GALNTL6: variants seen among roughly 807,000 people sequenced by gnomAD.
GALNTL6 encodes polypeptide N-acetylgalactosaminyltransferase-like 6.
In GALNTL6, 46 loss-of-function variants were observed where a neutral mutation model predicts 73.7. That is an observed-to-expected ratio of 0.62 (90% CI 0.49 to 0.80). The LOEUF is 0.80. Ranked by LOEUF, GALNTL6 falls within the 30% of genes least tolerant of loss-of-function variation. The probability of loss-of-function intolerance (pLI) is 0.00; values close to 1 mark genes in which losing one functional copy is unlikely to be tolerated. For missense variants in GALNTL6, 604 were observed against 755.0 expected, an observed-to-expected ratio of 0.80 and a Z score of 2.34; for synonymous variants, 259 against 263.7, an observed-to-expected ratio of 0.98 and a Z score of 0.17.
At chr4:172,025,546 T>TA (rs966099318) in intron 2 of GALNTL6, among the ~76,000 whole-genome samples, 87 of 151,852 alleles carry the variant, frequency 5.7e-4, no homozygotes, top group Admixed American at 2.1e-3. Flanking sequence ...TTTTATCATT[T>TA]AAAAAAAAGG....
chr4:172,754,994 C>A (rs926838785), intron 5 of GALNTL6, among the ~76,000 whole-genome samples: 1 of 152,068 alleles, frequency 6.6e-6, no homozygotes, highest in Non-Finnish European at 1.5e-5. Flanking sequence ...TACCAATTGC[C>A]CACCCAGATT....
intron 5 of GALNTL6, among the ~76,000 whole-genome samples, chr4:172,494,908 T>C (rs569910043): frequency 7.0e-4 from 107 of 152,272 alleles, no homozygotes; most frequent in African/African-American, 2.5e-3. Flanking sequence ...TTAGTCTCCT[T>C]TGGCAACACC....
intron 8 of GALNTL6, among the ~76,000 whole-genome samples, chr4:172,890,540 A>T (rs772093248): frequency 2.6e-4 from 39 of 151,992 alleles, no homozygotes; most frequent in Non-Finnish European, 5.0e-4. Flanking sequence ...TTTTTATTCC[A>T]CTGTAGTCTA....
In GALNTL6 at chr4:172,716,561, CCATGAT is replaced by C. The variant is rs1735112472; in HGVS notation, c.554-92799_554-92794del. Among the ~76,000 whole-genome samples the C allele has an allele frequency of 2.6e-5, 4 of 152,090 alleles. No homozygotes were observed. In the South Asian group the frequency reaches 8.3e-4, roughly 32 times the overall value. ...TCTCTGCTCACTCCCATAACGCGGC[CCATGAT>C]TCTTCAGAGGATAAATATATCCCTA... On this transcript the variant is annotated intron_variant, in intron 5 of 12. Coordinates refer to ENST00000506823, the MANE Select transcript of GALNTL6 (RefSeq NM_001034845.3).
chr4:172,602,414 A>G (rs899368951), intron 5 of GALNTL6, among the ~76,000 whole-genome samples: 1 of 151,220 alleles, frequency 6.6e-6, no homozygotes, highest in Non-Finnish European at 1.5e-5. Flanking sequence ...ACAGTACTAT[A>G]AAGGTAAAGG....
At chr4:172,660,336 G>A (rs558573078) in intron 5 of GALNTL6, among the ~76,000 whole-genome samples, 4 of 152,140 alleles carry the variant, frequency 2.6e-5, no homozygotes, top group Non-Finnish European at 2.9e-5. Flanking sequence ...CAGAACTGAC[G>A]CCTAAGAAGA....
At chr4:171,894,917 G>C (rs1736866980) in intron 2 of GALNTL6, among the ~76,000 whole-genome samples, 1 of 152,100 alleles carries the variant, frequency 6.6e-6, no homozygotes, top group Non-Finnish European at 1.5e-5. Flanking sequence ...CATGGAATAA[G>C]ATGGATATTC....
chr4:172,484,084 G>A (rs1451067178), intron 5 of GALNTL6, among the ~76,000 whole-genome samples: 1 of 152,124 alleles, frequency 6.6e-6, no homozygotes. Flanking sequence ...TTCAGGGACA[G>A]CTGTAGAAGA....
At chr4:172,719,358 A>G (rs951484153) in intron 5 of GALNTL6, among the ~76,000 whole-genome samples, 1 of 152,196 alleles carries the variant, frequency 6.6e-6, no homozygotes, top group Non-Finnish European at 1.5e-5. Flanking sequence ...AGAACCAATT[A>G]TAATACTCCT....
intron 2 of GALNTL6, among the ~76,000 whole-genome samples, chr4:172,154,817 G>A (rs1734206065): frequency 6.6e-6 from 1 of 152,084 alleles, no homozygotes; most frequent in Admixed American, 6.5e-5. Context: ...AACATTTTTT[G>A]AAAATTATTT....
intron 2 of GALNTL6, among the ~76,000 whole-genome samples, chr4:171,923,398 G>GTTTTTT (rs565298275): frequency 4.0e-5 from 5 of 124,312 alleles, no homozygotes; most frequent in African/African-American, 6.3e-5. Flanking sequence ...CCCTGACTTT[G>GTTTTTT]TTTTTTTTTT....
At chr4:171,884,150 T>G (rs1253751072) in intron 2 of GALNTL6, among the ~76,000 whole-genome samples, 2 of 152,220 alleles carry the variant, frequency 1.3e-5, no homozygotes, top group Non-Finnish European at 2.9e-5. Flanking sequence ...GCCTCTCAAC[T>G]GAAACCTGTC....
intron 2 of GALNTL6, among the ~76,000 whole-genome samples, chr4:172,155,991 G>A (rs1452496500): frequency 1.3e-5 from 2 of 152,058 alleles, no homozygotes; most frequent in Non-Finnish European, 2.9e-5. Context: ...CTTTTGCAAG[G>A]CTCTTGTATC....
intron 2 of GALNTL6, among the ~76,000 whole-genome samples, chr4:172,219,728 T>G (rs1394277552): frequency 1.3e-5 from 2 of 151,992 alleles, no homozygotes; most frequent in African/African-American, 4.8e-5. Flanking sequence ...TTTCTTCTAG[T>G]TGTCAAGTCT....
intron 2 of GALNTL6, among the ~76,000 whole-genome samples, chr4:172,154,047 C>CTT (rs35826525): frequency 1.7e-4 from 25 of 143,966 alleles, no homozygotes; most frequent in East Asian, 1.6e-3. Context: ...GGTTTTTCTT[C>CTT]TTTTTTTTTT....
At chr4:172,138,508 TATATA>T (rs1206180528) in intron 2 of GALNTL6, among the ~76,000 whole-genome samples, 5 of 17,574 alleles carry the variant, frequency 2.8e-4, no homozygotes, top group Admixed American at 5.9e-4. Flanking sequence ...TATATATATA[TATATA>T]TTTTTTTTTT....
intron 2 of GALNTL6, among the ~76,000 whole-genome samples, chr4:172,177,680 G>A (rs1377762203): frequency 6.9e-6 from 1 of 144,594 alleles, no homozygotes; most frequent in Admixed American, 6.8e-5. Context: ...TTATATTCAT[G>A]TAACACTGAA....
Position 172,408,724 on chromosome 4 carries a change from T to G in GALNTL6, c.553+60035T>G, listed in dbSNP as rs35371099. Among the ~76,000 whole-genome samples, 1,496 of 152,118 alleles carry G rather than the reference T, an allele frequency of 9.8e-3. 8 individuals carry two copies. The highest frequency in any genetic ancestry group is 0.017 in the Non-Finnish European group (1,171 of 67,960). The stretch of plus-strand genomic sequence containing the variant: ...AGTAGGCGAGGAAATACTCCTCTGT[T>G]GTTGCTTTAGTAGAAACTGTGGGTG... On this transcript the variant is annotated intron_variant, in intron 5 of 12. Transcript: ENST00000506823.
intron 5 of GALNTL6, among the ~76,000 whole-genome samples, chr4:172,503,286 G>T (rs958462845): frequency 1.3e-5 from 2 of 151,848 alleles, no homozygotes; most frequent in Admixed American, 6.6e-5. Context: ...ATATTTAACA[G>T]GACATGGCCT....
Sources: allele counts gnomAD v4.1 joint callset (sites outside exome capture counted in the v4.1 genomes callset), GRCh38; gene constraint gnomAD v4.1.1; transcripts MANE v1.5; gene names NCBI Gene and HGNC (gene_info 2026-07-23, HGNC 2026-07-21).